FRMD6: variants seen among roughly 807,000 people sequenced by gnomAD.
FRMD6 encodes the protein FERM domain-containing protein 6.
FRMD6 carries 37 observed loss-of-function variants against 73.2 expected under a neutral mutation model. The ratio of observed to expected loss-of-function variants is 0.51; its 90% CI spans 0.39 to 0.66. FRMD6 has a LOEUF of 0.66. FRMD6 is among the 30% of genes least tolerant of loss of function. The pLI is 0.00. For missense variants in FRMD6, 714 were observed against 780.5 expected (o/e 0.91, Z 1.02); for synonymous variants, 273 against 282.2 (o/e 0.97, Z 0.33).
intron 1 of FRMD6, among the ~76,000 whole-genome samples, chr14:51,664,369 C>G (rs1320456174): frequency 1.3e-5 from 2 of 152,178 alleles, no homozygotes; most frequent in African/African-American, 4.8e-5. Flanking sequence ...ATTTTCTCTT[C>G]TGGGAACTAC....
rs764338488 is a variant in FRMD6, at chr14:51,720,101, C to T, written c.1071C>T (p.Leu357=). 1.1e-5 allele frequency: 17 copies of T among 1,613,574 alleles called. No individual in the cohort carries two copies. The highest frequency in any genetic ancestry group is 1.7e-5 in the Admixed American group (1 of 59,996). ...RESYISDNLD[L]DMDQLEKRSR... ...CTTACATCAGTGACAACCTGGACCT[C>T]GACATGGACCAGCTGGAAAAACGGT... Residue 357 remains leucine (L), a synonymous_variant, in exon 11 of 14, where the codon CTC becomes CTT. Coordinates refer to ENST00000344768, the MANE Select transcript of FRMD6 (RefSeq NM_001267046.2).
At chr14:51,663,487 A>G (rs555793133) in intron 1 of FRMD6, among the ~76,000 whole-genome samples, 45 of 152,368 alleles carry the variant, frequency 3.0e-4, no homozygotes, top group African/African-American at 1.0e-3. Context: ...GCTGGAGGCC[A>G]TTAATCCTCA....
chr14:51,454,355 A>G, the FRMD6 span, among the ~76,000 whole-genome samples: 1 of 152,176 alleles, frequency 6.6e-6, no homozygotes, highest in Non-Finnish European at 1.5e-5. Flanking sequence ...CCAAATTACC[A>G]CTTCAGTGTC....
the FRMD6 span, among the ~76,000 whole-genome samples, chr14:51,417,623 T>C: frequency 2.0e-5 from 3 of 152,194 alleles, no homozygotes; most frequent in East Asian, 5.8e-4. Context: ...CTGACAATTA[T>C]GTGTCTTGGG....
At chr14:51,477,715 T>C in the FRMD6 span, among the ~76,000 whole-genome samples, 2 of 123,114 alleles carry the variant, frequency 1.6e-5, no homozygotes, top group African/African-American at 5.8e-5. Context: ...TTTTCTTTTC[T>C]TTCTTTCTTT....
the FRMD6 span, among the ~76,000 whole-genome samples, chr14:51,402,731 C>T: frequency 7.2e-5 from 11 of 151,738 alleles, no homozygotes; most frequent in Non-Finnish European, 5.9e-5. Flanking sequence ...CTCTGCCACC[C>T]GGGTTCACGC....
intron 2 of FRMD6, among the ~76,000 whole-genome samples, chr14:51,614,140 G>A (rs939060473): frequency 6.6e-6 from 1 of 152,118 alleles, no homozygotes; most frequent in Non-Finnish European, 1.5e-5. Context: ...GAATTCTGGG[G>A]ATTCTCATAG....
chr14:51,686,312 T>C (rs371093716), intron 1 of FRMD6, among the ~76,000 whole-genome samples: 99 of 152,134 alleles, frequency 6.5e-4, no homozygotes, highest in African/African-American at 2.3e-3. Flanking sequence ...CAAATCAGTA[T>C]TGATACATTA....
chr14:51,670,866 C>T (rs898428510), intron 1 of FRMD6, among the ~76,000 whole-genome samples: 41 of 152,184 alleles, frequency 2.7e-4, no homozygotes, highest in African/African-American at 9.4e-4. Flanking sequence ...AGGCTGGTCT[C>T]GAATTCCTGA....
the FRMD6 span, among the ~76,000 whole-genome samples, chr14:51,463,700 T>C: frequency 6.6e-6 from 1 of 152,250 alleles, no homozygotes; most frequent in East Asian, 1.9e-4. Flanking sequence ...CACCTGGCAC[T>C]CTACCAGACA....
chr14:51,516,911 A>T (rs1404881156), intron 1 of FRMD6, among the ~76,000 whole-genome samples: 1 of 152,210 alleles, frequency 6.6e-6, no homozygotes, highest in Non-Finnish European at 1.5e-5. Context: ...TTTTAATCTG[A>T]TGCCAATCTT....
intron 2 of FRMD6, among the ~76,000 whole-genome samples, chr14:51,604,577 G>C (rs896604288): frequency 6.6e-6 from 1 of 152,102 alleles, no homozygotes; most frequent in Non-Finnish European, 1.5e-5. Context: ...CTAATGATAA[G>C]TTGGGGGAAT....
At chr14:51,439,980 A>C in the FRMD6 span, among the ~76,000 whole-genome samples, 1 of 152,130 alleles carries the variant, frequency 6.6e-6, no homozygotes, top group Non-Finnish European at 1.5e-5. Flanking sequence ...CAGTTCCCTA[A>C]AATTTCGGAT....
At chr14:51,508,544 T>C (rs1884112220) in intron 1 of FRMD6, among the ~76,000 whole-genome samples, 1 of 152,194 alleles carries the variant, frequency 6.6e-6, no homozygotes, top group African/African-American at 2.4e-5. Context: ...GGTCGACTAT[T>C]GTTCAAAATA....
At chr14:51,687,672 T>C (rs1019010889) in intron 1 of FRMD6, among the ~76,000 whole-genome samples, 1 of 152,184 alleles carries the variant, frequency 6.6e-6, no homozygotes, top group African/African-American at 2.4e-5. Context: ...AGAGGACATA[T>C]ATAGGGTACA....
At chr14:51,614,383 T>C (rs1169276289) in intron 2 of FRMD6, among the ~76,000 whole-genome samples, 2 of 152,196 alleles carry the variant, frequency 1.3e-5, no homozygotes, top group African/African-American at 4.8e-5. Context: ...AATTCTACAG[T>C]GGACTGTCTA....
At chr14:51,607,447 T>C (rs1308311818) in intron 2 of FRMD6, among the ~76,000 whole-genome samples, 1 of 152,164 alleles carries the variant, frequency 6.6e-6, no homozygotes, top group Non-Finnish European at 1.5e-5. Flanking sequence ...AGGTGCCAAC[T>C]CTAATGTTGA....
At chr14:51,547,030 C>T (rs1196810371) in intron 1 of FRMD6, among the ~76,000 whole-genome samples, 1 of 151,730 alleles carries the variant, frequency 6.6e-6, no homozygotes, top group Non-Finnish European at 1.5e-5. Context: ...CCCCATGGTA[C>T]AATGACCTTA....
At chr14:51,681,124 G>A (rs1031099265) in intron 1 of FRMD6, among the ~76,000 whole-genome samples, 9 of 152,058 alleles carry the variant, frequency 5.9e-5, no homozygotes, top group African/African-American at 1.9e-4. Flanking sequence ...AATGTTTTTC[G>A]TTAGAGTATG....
Sources: allele counts gnomAD v4.1 joint callset (sites outside exome capture counted in the v4.1 genomes callset), GRCh38; gene constraint gnomAD v4.1.1; transcripts MANE v1.5; gene names NCBI Gene and HGNC (gene_info 2026-07-23, HGNC 2026-07-21).